ZNF442: variants seen among roughly 807,000 people sequenced by gnomAD.
ZNF442 encodes zinc finger protein 442.
A neutral mutation model predicts 57.0 loss-of-function variants in ZNF442; 45 were observed. The ratio of observed to expected loss-of-function variants is 0.79; its 90% confidence interval spans 0.62 to 1.01. The LOEUF is 1.01. ZNF442 is among the 50% of genes least tolerant of loss of function. The probability of loss-of-function intolerance (pLI) is 0.00; values close to 1 mark genes in which losing one functional copy is unlikely to be tolerated. For synonymous variants in ZNF442, 213 were observed against 241.8 expected, an observed-to-expected ratio of 0.88 and a Z score of 1.10; for missense variants, 690 against 756.5, an observed-to-expected ratio of 0.91 and a Z score of 1.03.
rs192419681 is a variant in ZNF442, at chr19:12,356,277, A to G, written c.79-3163T>C. ...TAAAAAGATAAACCACCATCTGGAA[A>G]GAAATACTAGCAATCCTTCCATGTG... On this transcript the variant is annotated intron_variant, in intron 3 of 5. Transcript: ENST00000242804. Among the ~76,000 whole-genome samples the G allele has an allele frequency of 2.7e-4, 41 of 152,262 alleles. No individual in the cohort carries two copies. In the East Asian group the frequency reaches 6.9e-3, roughly 26 times the overall value.
intron 3 of ZNF442, among the ~76,000 whole-genome samples, chr19:12,359,794 A>G (rs1186384358): frequency 6.6e-6 from 1 of 152,112 alleles, no homozygotes; most frequent in Non-Finnish European, 1.5e-5. Flanking sequence ...CCTGGCTAAC[A>G]TGGTGAAACC....
In ZNF442 at chr19:12,365,530, C is replaced by G; in HGVS notation, c.-483+3G>C. The G allele has an allele frequency of 1.7e-6, 1 of 573,672 alleles. No individual in the cohort carries two copies. Among genetic ancestry groups the G allele is most frequent in the Non-Finnish European group, 3.1e-6 (1 of 322,842 alleles). 35.5% of individuals were successfully genotyped at this position (573,672 alleles called of 1,614,324 possible). A position where few individuals can be genotyped will look rare whatever the true frequency, so the allele number is the denominator to read the frequency against. ...CCCAGGACGCCGGGCCCCGCACACT[C>G]ACCATTTCCCGGCTTCCGCGGTGTC... On this transcript the variant is annotated splice_donor_region_variant and intron_variant, in intron 1 of 5. Coordinates refer to ENST00000242804, the MANE Select transcript of ZNF442 (RefSeq NM_030824.3).
At chr19:12,360,887 T>TA (rs1381593904) in intron 3 of ZNF442, among the ~76,000 whole-genome samples, 2 of 148,074 alleles carry the variant, frequency 1.4e-5, no homozygotes, top group Non-Finnish European at 3.0e-5. Context: ...CTCAAAAAAA[T>TA]AAAAAAATAA....
the ZNF442 span, among the ~76,000 whole-genome samples, chr19:12,371,882 A>G: frequency 6.6e-6 from 1 of 152,226 alleles, no homozygotes; most frequent in East Asian, 1.9e-4. Flanking sequence ...GTACACAGGA[A>G]CAGGCAAACA....
At chr19:12,361,791 C>T (rs1350621114) in intron 3 of ZNF442, among the ~76,000 whole-genome samples, 3 of 151,666 alleles carry the variant, frequency 2.0e-5, no homozygotes, top group South Asian at 2.1e-4. Flanking sequence ...ACTGTAGTGC[C>T]GCCATCTCGG....
At chr19:12,363,702 C>T in intron 2 of ZNF442, 31 bp from the exon 3 acceptor site, 1 of 1,400,106 alleles carries the variant, frequency 7.1e-7, no homozygotes, top group Non-Finnish European at 1.0e-6. Context: ...GGTGATTGTC[C>T]CAAGGGTTAG....
chr19:12,372,981 C>A, the ZNF442 span, among the ~76,000 whole-genome samples: 1 of 152,170 alleles, frequency 6.6e-6, no homozygotes, highest in Admixed American at 6.6e-5. Flanking sequence ...ACCATGTTGG[C>A]CAGGATGGTC....
intron 3 of ZNF442, among the ~76,000 whole-genome samples, chr19:12,359,722 G>A (rs1969391623): frequency 1.3e-5 from 2 of 152,194 alleles, no homozygotes; most frequent in African/African-American, 2.4e-5. Flanking sequence ...GCTCACACCT[G>A]TAATCCCAGC....
chr19:12,373,626 C>A, the ZNF442 span: 1 of 264,366 alleles, frequency 3.8e-6, no homozygotes, highest in African/African-American at 2.2e-5. Context: ...ACTCTTGTCG[C>A]ATCTGTTCAA....
At chr19:12,363,001 A>AAC (rs1969463569) in intron 3 of ZNF442, among the ~76,000 whole-genome samples, 4 of 149,980 alleles carry the variant, frequency 2.7e-5, no homozygotes, top group African/African-American at 9.8e-5. Flanking sequence ...AAACAAAACA[A>AAC]AAAAAAAATT....
chr19:12,349,967 C>T lies in ZNF442; in HGVS notation c.1618G>A (p.Gly540Arg). Residue 540 changes from glycine (G) to arginine (R), a missense_variant, in exon 6 of 6, where the codon GGA becomes AGA. Physicochemically the swap from Gly to Arg is moderately radical, Grantham distance 125. Transcript: ENST00000242804. ...TCCTTACATTCATATGGCTTCTCTC[C>T]AGTGTGAATCCTTTCATGGACTTTT... ...NLKVHERIHT[G>R]EKPYECKECR... 6.2e-7 allele frequency: 1 copy of T among 1,614,214 alleles called. No homozygotes were observed. Among genetic ancestry groups the T allele is most frequent in the Non-Finnish European group, 8.5e-7 (1 of 1,180,028 alleles).
intron 3 of ZNF442, among the ~76,000 whole-genome samples, chr19:12,361,664 G>A (rs1202883902): frequency 6.6e-6 from 1 of 150,826 alleles, no homozygotes; most frequent in Admixed American, 6.6e-5. Context: ...TACAAAAATT[G>A]GACCTCCCCC....
At chr19:12,358,963 C>A (rs1338890304) in intron 3 of ZNF442, among the ~76,000 whole-genome samples, 1 of 152,190 alleles carries the variant, frequency 6.6e-6, no homozygotes, top group Non-Finnish European at 1.5e-5. Context: ...ACCCACAGAA[C>A]TCAGCAAGTC....
At chr19:12,373,711 G>C in the ZNF442 span, 5 of 270,992 alleles carry the variant, frequency 1.8e-5, no homozygotes, top group African/African-American at 1.1e-4. Context: ...GAAGGATGTA[G>C]GTTTCATTAA....
chr19:12,372,624 G>T, the ZNF442 span, among the ~76,000 whole-genome samples: 1 of 152,174 alleles, frequency 6.6e-6, no homozygotes, highest in African/African-American at 2.4e-5. Context: ...TCACCTTGAT[G>T]TGTTTTTTTC....
upstream of ZNF442, among the ~76,000 whole-genome samples, chr19:12,366,592 C>A (rs1457599855): frequency 6.6e-6 from 1 of 152,148 alleles, no homozygotes; most frequent in Non-Finnish European, 1.5e-5. Flanking sequence ...ACTCCCTTTC[C>A]TTTCCCATAC....
chr19:12,372,430 G>C, the ZNF442 span, among the ~76,000 whole-genome samples: 25 of 151,632 alleles, frequency 1.6e-4, no homozygotes, highest in Non-Finnish European at 8.8e-5. Flanking sequence ...CTGCACTCCA[G>C]CCTAGGTGAC....
Position 12,350,633 on chromosome 19 carries a change from C to T in ZNF442, c.952G>A (p.Glu318Lys). 1 of 1,613,976 alleles carries T rather than the reference C, an allele frequency of 6.2e-7. No individual in the cohort carries two copies. The highest frequency in any genetic ancestry group is 8.5e-7 in the Non-Finnish European group (1 of 1,180,012). Residue 318 changes from glutamate (E) to lysine (K), a missense_variant, in exon 6 of 6, where the codon GAG becomes AAG. Coordinates refer to ENST00000242804, the MANE Select transcript of ZNF442 (RefSeq NM_030824.3). Reference protein sequence around the residue: ...LRIHERTHTGEKPYECKQCGK... With the variant: ...LRIHERTHTGKKPYECKQCGK... Reference sequence around the variant, plus strand: ...CATTGCTTGCATTCATAGGGTTTCTCTCCAGTGTGAGTTCTTTCATGTATT... The same window carrying T: ...CATTGCTTGCATTCATAGGGTTTCTTTCCAGTGTGAGTTCTTTCATGTATT...
chr19:12,349,808 T>C lies in ZNF442; in HGVS notation c.1777A>G (p.Thr593Ala), dbSNP rs200717192. The C allele has an allele frequency of 7.4e-6, 12 of 1,613,918 alleles. No homozygotes were observed. The Admixed American group carries it at 2.0e-4, about 27-fold the overall frequency. The change falls in exon 6 of 6, where the codon ACT becomes GCT. Residue 593 changes from threonine (T) to alanine (A), a missense_variant. Coordinates refer to ENST00000242804, the MANE Select transcript of ZNF442 (RefSeq NM_030824.3). ...TCATGCATCTTCTCTCCAGTGTGAGTTTTTTCATGTCCTCGAAGGAAACGA... is the reference window on the plus strand; with the variant it reads ...TCATGCATCTTCTCTCCAGTGTGAGCTTTTTCATGTCCTCGAAGGAAACGA... ...RSRFLRGHEK[T>A]HTGEKMHECK...
Sources: gnomAD v4.1 joint callset for allele counts (sites outside exome capture counted in the v4.1 genomes callset) on GRCh38, gnomAD v4.1.1 for gene constraint, MANE v1.5 for transcripts, NCBI Gene and HGNC (gene_info 2026-07-23, HGNC 2026-07-21) for gene names.